NXPE2: variants seen among roughly 807,000 people sequenced by gnomAD.
The protein encoded by NXPE2 is neurexophilin and PC-esterase domain family member 2, also known as NXPE family member 2.
NXPE2 carries 34 observed loss-of-function variants against 34.4 expected under a neutral mutation model. That is an observed-to-expected ratio of 0.99 (90% CI 0.75 to 1.31). The LOEUF (loss-of-function observed/expected upper bound fraction) is 1.31. Ranked by LOEUF, NXPE2 falls within the 40% of genes most tolerant of loss-of-function variation. The probability of loss-of-function intolerance (pLI) is 0.00; values close to 1 mark genes in which losing one functional copy is unlikely to be tolerated. For missense variants in NXPE2, 649 were observed against 672.5 expected, an observed-to-expected ratio of 0.97 and a Z score of 0.39; for synonymous variants, 235 against 231.3, an observed-to-expected ratio of 1.02 and a Z score of -0.15.
downstream of NXPE2, among the ~76,000 whole-genome samples, chr11:114,710,844 A>G (rs538789913): frequency 2.0e-5 from 3 of 152,252 alleles, no homozygotes; most frequent in East Asian, 3.9e-4. Context: ...CCTAAAAAGA[A>G]GGAATACTAG....
chr11:114,738,278 T>A, the NXPE2 span, among the ~76,000 whole-genome samples: 1 of 152,188 alleles, frequency 6.6e-6, no homozygotes, highest in Non-Finnish European at 1.5e-5. Flanking sequence ...AAAACTGAAT[T>A]GTAGGACATG....
At chr11:114,476,317 A>G in the NXPE2 span, among the ~76,000 whole-genome samples, 2 of 152,246 alleles carry the variant, frequency 1.3e-5, no homozygotes, top group Middle Eastern at 3.2e-3. Context: ...TTAATTATAC[A>G]TAAACATGTA....
chr11:114,630,685 A>T, the NXPE2 span, among the ~76,000 whole-genome samples: 1 of 151,234 alleles, frequency 6.6e-6, no homozygotes, highest in East Asian at 1.9e-4. Flanking sequence ...GATCTAATTA[A>T]ACTAAAGAGC....
the NXPE2 span, among the ~76,000 whole-genome samples, chr11:114,762,243 G>C: frequency 6.6e-6 from 1 of 152,140 alleles, no homozygotes; most frequent in South Asian, 2.1e-4. Context: ...GGGTACCTAT[G>C]CATGCTTGTC....
chr11:114,514,179 ACT>A, the NXPE2 span, among the ~76,000 whole-genome samples: 2 of 151,794 alleles, frequency 1.3e-5, no homozygotes, highest in African/African-American at 4.8e-5. Context: ...TACATACTGA[ACT>A]CTCTCAGTCA....
chr11:114,755,692 C>T, the NXPE2 span, among the ~76,000 whole-genome samples: 1 of 151,728 alleles, frequency 6.6e-6, no homozygotes, highest in Non-Finnish European at 1.5e-5. Flanking sequence ...GTCTGTCTAT[C>T]TATCCATCTA....
rs1591440122 is a variant in NXPE2, at chr11:114,698,495, C to T, written c.583C>T (p.His195Tyr). ...GQVSLSLLLI[H>Y]PSEGVSALWR... Reference sequence around the variant, plus strand: ...GGTTTCCCTGTCTCTGCTGCTCATCCACCCCAGTGAAGGGGTATCAGCTCT... The same window carrying T: ...GGTTTCCCTGTCTCTGCTGCTCATCTACCCCAGTGAAGGGGTATCAGCTCT... Residue 195 changes from histidine to tyrosine, a missense_variant, in exon 3 of 6, where the codon CAC becomes TAC. By Grantham distance (83) the His-to-Tyr change is moderately conservative. Coordinates refer to ENST00000389586, the MANE Select transcript of NXPE2 (RefSeq NM_182495.6). 1 of 1,614,102 alleles carries T rather than the reference C, an allele frequency of 6.2e-7. No individual in the cohort carries two copies.
chr11:114,623,500 A>G, the NXPE2 span, among the ~76,000 whole-genome samples: 3 of 151,654 alleles, frequency 2.0e-5, no homozygotes, highest in Admixed American at 6.6e-5. Context: ...ACTGTTACCC[A>G]GTGGATAATA....
At chr11:114,700,288 C>A (rs12419182) in intron 3 of NXPE2, among the ~76,000 whole-genome samples, 17,635 of 152,208 alleles carry the variant, frequency 0.12, 1,385 homozygotes, top group South Asian at 0.19. Context: ...AATATTAAAA[C>A]TCTTTAACAT....
the NXPE2 span, among the ~76,000 whole-genome samples, chr11:114,641,205 T>C: frequency 6.6e-6 from 1 of 151,858 alleles, no homozygotes; most frequent in African/African-American, 2.4e-5. Context: ...AGAAGGAATA[T>C]AGAGTTGAGA....
chr11:114,761,193 C>T, the NXPE2 span, among the ~76,000 whole-genome samples: 1 of 152,210 alleles, frequency 6.6e-6, no homozygotes, highest in South Asian at 2.1e-4. Flanking sequence ...CACCTACTGC[C>T]TTTCCTGCCT....
At chr11:114,747,203 G>A in the NXPE2 span, among the ~76,000 whole-genome samples, 1 of 152,052 alleles carries the variant, frequency 6.6e-6, no homozygotes, top group Non-Finnish European at 1.5e-5. Flanking sequence ...TTTTAAAAAG[G>A]GGTTTTTAAA....
At chr11:114,813,690 A>G in the NXPE2 span, among the ~76,000 whole-genome samples, 74 of 152,340 alleles carry the variant, frequency 4.9e-4, no homozygotes, top group South Asian at 4.8e-3. Flanking sequence ...TGAATAAAAC[A>G]CATTTTAAAG....
At chr11:114,759,908 A>G in the NXPE2 span, among the ~76,000 whole-genome samples, 1 of 152,156 alleles carries the variant, frequency 6.6e-6, no homozygotes, top group South Asian at 2.1e-4. Flanking sequence ...CTGTGGACAA[A>G]AGTATTTTTC....
At chr11:114,595,910 T>A in the NXPE2 span, 3 of 152,282 alleles carry the variant, frequency 2.0e-5, no homozygotes, top group African/African-American at 7.2e-5. Flanking sequence ...TTCAAATTCC[T>A]GAAGTTTTAT....
At chr11:114,587,745 C>G in the NXPE2 span, among the ~76,000 whole-genome samples, 5 of 152,186 alleles carry the variant, frequency 3.3e-5, no homozygotes, top group Non-Finnish European at 7.4e-5. Flanking sequence ...TAAAGGGACA[C>G]CTTTTTTCTT....
the NXPE2 span, among the ~76,000 whole-genome samples, chr11:114,475,226 G>GCT: frequency 1.1e-5 from 1 of 88,060 alleles, no homozygotes; most frequent in East Asian, 3.4e-4. Flanking sequence ...AATGTGAACT[G>GCT]TTTTTTTTTT....
chr11:114,769,307 A>G, the NXPE2 span, among the ~76,000 whole-genome samples: 5 of 152,230 alleles, frequency 3.3e-5, no homozygotes, highest in Non-Finnish European at 7.3e-5. Flanking sequence ...GAAGTCAGGA[A>G]ACAACAGATG....
the NXPE2 span, among the ~76,000 whole-genome samples, chr11:114,619,988 T>G: frequency 6.6e-6 from 1 of 151,932 alleles, no homozygotes; most frequent in South Asian, 2.1e-4. Flanking sequence ...ACCTGGTGGA[T>G]AGTTAGTATT....
Sources: gnomAD v4.1 joint callset for allele counts (sites outside exome capture counted in the v4.1 genomes callset) on GRCh38, gnomAD v4.1.1 for gene constraint, MANE v1.5 for transcripts, NCBI Gene and HGNC (gene_info 2026-07-23, HGNC 2026-07-21) for gene names.